Variants in SPACA7 observed in about 807,000 individuals in gnomAD.
The protein encoded by SPACA7 is sperm acrosome associated 7.
A neutral mutation model predicts 26.3 loss-of-function variants in SPACA7; 19 were observed. The ratio of observed to expected loss-of-function variants is 0.72; its 90% CI spans 0.50 to 1.06. The LOEUF (loss-of-function observed/expected upper bound fraction) is 1.06. Ranked by LOEUF, SPACA7 falls within the 50% of genes least tolerant of loss-of-function variation. SPACA7 has a pLI of 0.00. For synonymous variants in SPACA7, 84 were observed against 84.5 expected, an observed-to-expected ratio of 0.99 and a Z score of 0.04; for missense variants, 211 against 229.9, an observed-to-expected ratio of 0.92 and a Z score of 0.53.
At chr13:112,396,474 T>C (rs1400878297) in intron 2 of SPACA7, among the ~76,000 whole-genome samples, 1 of 152,146 alleles carries the variant, frequency 6.6e-6, no homozygotes, top group African/African-American at 2.4e-5. Context: ...GAATGCTGCC[T>C]CCTGGACATG....
At chr13:112,417,746 GT>G (rs1343416464) in intron 5 of SPACA7, among the ~76,000 whole-genome samples, 4 of 152,092 alleles carry the variant, frequency 2.6e-5, no homozygotes, top group African/African-American at 9.7e-5. Flanking sequence ...TTCTGATAGT[GT>G]TTTCAGATCA....
Position 112,432,462 on chromosome 13 carries a change from C to T in SPACA7, c.464C>T (p.Thr155Ile). The T allele has an allele frequency of 6.2e-7, 1 of 1,610,060 alleles. No individual in the cohort carries two copies. Among genetic ancestry groups the T allele is most frequent in the Non-Finnish European group, 8.5e-7 (1 of 1,176,286 alleles). Reference protein sequence around the residue: ...VSSKEKNSKNTQYENLSILDQ... With the variant: ...VSSKEKNSKNIQYENLSILDQ... The stretch of plus-strand genomic sequence containing the variant: ...CCCACAGAAAAGAATTCAAAGAACA[C>T]TCAGTATGAAAATCTATCCATTCTG... Residue 155 changes from threonine to isoleucine, a missense_variant, in exon 6 of 7, where the codon ACT becomes ATT. Physicochemically the swap from Thr to Ile is moderately conservative, Grantham distance 89. Coordinates refer to ENST00000283550, the MANE Select transcript of SPACA7 (RefSeq NM_145248.5).
chr13:112,422,104 C>G (rs772946361), intron 5 of SPACA7, among the ~76,000 whole-genome samples: 13 of 151,774 alleles, frequency 8.6e-5, no homozygotes, highest in Non-Finnish European at 1.6e-4. Context: ...TTCTAGAAAA[C>G]TTTAGAAAAA....
chr13:112,386,206 G>T (rs1174152617), intron 1 of SPACA7, among the ~76,000 whole-genome samples: 1 of 152,220 alleles, frequency 6.6e-6, no homozygotes, highest in Non-Finnish European at 1.5e-5. Context: ...TGGGGGTGGG[G>T]ATGTTTCCCT....
chr13:112,400,007 C>A (rs1375490961), intron 4 of SPACA7, among the ~76,000 whole-genome samples: 1 of 152,262 alleles, frequency 6.6e-6, no homozygotes, highest in East Asian at 1.9e-4. Context: ...CCCCATGATC[C>A]AATCATCTCC....
intron 5 of SPACA7, among the ~76,000 whole-genome samples, chr13:112,417,672 G>T (rs937203098): frequency 6.6e-6 from 1 of 151,972 alleles, no homozygotes; most frequent in African/African-American, 2.4e-5. Flanking sequence ...TTTCTCTGTA[G>T]CCCTTTCTCT....
At chr13:112,390,269 G>A (rs1158099435) in intron 1 of SPACA7, among the ~76,000 whole-genome samples, 1 of 152,158 alleles carries the variant, frequency 6.6e-6, no homozygotes, top group Non-Finnish European at 1.5e-5. Context: ...AGTGTGGGGA[G>A]ATCTGGGCCA....
At chr13:112,379,130 C>T (rs373653041) in intron 1 of SPACA7, among the ~76,000 whole-genome samples, 3 of 152,144 alleles carry the variant, frequency 2.0e-5, no homozygotes, top group South Asian at 4.1e-4. Flanking sequence ...TTATAATCGT[C>T]CCCACATTGA....
intron 1 of SPACA7, among the ~76,000 whole-genome samples, chr13:112,383,045 A>AGAGAGAGAGAGAGAAAGACAGG (rs781245231): frequency 2.2e-5 from 3 of 134,948 alleles, no homozygotes; most frequent in Non-Finnish European, 4.8e-5. Context: ...AGAGAGAAAG[A>AGAGAGAGAGAGAGAAAGACAGG]CAGAAGGAAA....
At chr13:112,416,172 G>A (rs918071461) in intron 5 of SPACA7, among the ~76,000 whole-genome samples, 1 of 152,028 alleles carries the variant, frequency 6.6e-6, no homozygotes, top group African/African-American at 2.4e-5. Flanking sequence ...TTCTTGTGAA[G>A]GTGACTTCTT....
chr13:112,399,658 G>T (rs985737888), intron 4 of SPACA7, among the ~76,000 whole-genome samples: 2 of 152,184 alleles, frequency 1.3e-5, no homozygotes, highest in African/African-American at 4.8e-5. Flanking sequence ...CCCATGGAGG[G>T]GCAAAATACC....
At chr13:112,418,369 G>A (rs1471275545) in intron 5 of SPACA7, among the ~76,000 whole-genome samples, 1 of 152,204 alleles carries the variant, frequency 6.6e-6, no homozygotes, top group Admixed American at 6.5e-5. Flanking sequence ...GAAGAAAAGT[G>A]TTGCAAATGA....
intron 1 of SPACA7, among the ~76,000 whole-genome samples, chr13:112,376,934 A>C (rs1883735205): frequency 1.3e-5 from 2 of 152,324 alleles, no homozygotes; most frequent in South Asian, 4.1e-4. Context: ...TCATAATCAG[A>C]CTAACATAAT....
intron 1 of SPACA7, among the ~76,000 whole-genome samples, chr13:112,383,116 AAAAGAAAAG>A (rs1392980760): frequency 2.6e-3 from 86 of 33,634 alleles, no homozygotes; most frequent in East Asian, 4.6e-3. Flanking sequence ...AAAAGAAAAG[AAAAGAAAAG>A]AAAGAAAGAA....
intron 5 of SPACA7, among the ~76,000 whole-genome samples, chr13:112,411,131 A>AT (rs1555328474): frequency 3.6e-4 from 6 of 16,810 alleles, no homozygotes; most frequent in Non-Finnish European, 2.7e-3. Context: ...TACATTTGCT[A>AT]TGTTTTTTTT....
At chr13:112,387,669 A>G (rs1884615514) in intron 1 of SPACA7, among the ~76,000 whole-genome samples, 2 of 152,144 alleles carry the variant, frequency 1.3e-5, no homozygotes, top group South Asian at 4.1e-4. Flanking sequence ...CAGATTTCAG[A>G]AGAACGGAGT....
At chr13:112,406,876 A>T (rs1199820338) in intron 5 of SPACA7, among the ~76,000 whole-genome samples, 1 of 152,204 alleles carries the variant, frequency 6.6e-6, no homozygotes, top group Non-Finnish European at 1.5e-5. Flanking sequence ...CCTAATAGAC[A>T]TCTACAGAAC....
intron 5 of SPACA7, among the ~76,000 whole-genome samples, chr13:112,401,489 T>TAG (rs377023243): frequency 1.3e-5 from 2 of 152,208 alleles, no homozygotes; most frequent in South Asian, 2.1e-4. Context: ...AACAAACTTT[T>TAG]AGAGAGAGAG....
intron 5 of SPACA7, among the ~76,000 whole-genome samples, chr13:112,426,189 C>T (rs1402755125): frequency 6.6e-6 from 1 of 152,224 alleles, no homozygotes; most frequent in Non-Finnish European, 1.5e-5. Context: ...AACTTTCTCT[C>T]TTGAGTTGCC....
Sources: gnomAD v4.1 joint callset for allele counts (sites outside exome capture counted in the v4.1 genomes callset) on GRCh38, gnomAD v4.1.1 for gene constraint, MANE v1.5 for transcripts, NCBI Gene and HGNC (gene_info 2026-07-23, HGNC 2026-07-21) for gene names.